Variants in CSNK1G1 observed in about 807,000 individuals in gnomAD.
CSNK1G1 encodes casein kinase I isoform gamma-1.
Under a neutral mutation model 59.6 loss-of-function variants are expected in CSNK1G1, and 22 were observed. That is an observed-to-expected ratio of 0.37 (90% CI 0.26 to 0.53). The LOEUF is 0.53. Ranked by LOEUF, CSNK1G1 falls within the 20% of genes least tolerant of loss-of-function variation. The pLI is 0.89. For missense variants in CSNK1G1, 384 were observed against 519.5 expected (o/e 0.74, Z 2.54); for synonymous variants, 179 against 177.1 (o/e 1.01, Z -0.08).
At chr15:64,199,561 T>G (rs2082081586) in intron 10 of CSNK1G1, among the ~76,000 whole-genome samples, 1 of 152,074 alleles carries the variant, frequency 6.6e-6, no homozygotes, top group African/African-American at 2.4e-5. Flanking sequence ...ACACATATTT[T>G]AAGATAGTCT....
chr15:64,222,431 CACCACCAAAAAAAA>C (rs1449817662), intron 4 of CSNK1G1, among the ~76,000 whole-genome samples: 4 of 66,720 alleles, frequency 6.0e-5, no homozygotes, highest in African/African-American at 3.1e-4. Context: ...ACAACAACAA[CACCACCAAAAAAAA>C]AAAAAAAAAA....
intron 1 of CSNK1G1, among the ~76,000 whole-genome samples, chr15:64,314,505 T>C (rs544232627): frequency 1.3e-5 from 2 of 151,444 alleles, no homozygotes; most frequent in South Asian, 4.2e-4. Context: ...ATTTGAAATT[T>C]ATTCTCTCAG....
In CSNK1G1 at chr15:64,214,136, A is replaced by T; in HGVS notation, c.445-12T>A. ...TCCATTCGAGAAAGCTGAAAGAGAAACAAATGATAGAAAGACTGTAAAGAA... is the reference window on the plus strand; with the variant it reads ...TCCATTCGAGAAAGCTGAAAGAGAATCAAATGATAGAAAGACTGTAAAGAA... On this transcript the variant is annotated splice_polypyrimidine_tract_variant and intron_variant, in intron 5 of 11. Coordinates refer to ENST00000303052, the MANE Select transcript of CSNK1G1 (RefSeq NM_022048.5). The surrounding 1 kb of genome is among the most constrained non-coding windows in gnomAD (Gnocchi z 4.3). 6.4e-7 allele frequency: 1 copy of T among 1,565,334 alleles called. No individual in the cohort carries two copies. Among genetic ancestry groups the T allele is most frequent in the Non-Finnish European group, 8.8e-7 (1 of 1,135,688 alleles).
intron 4 of CSNK1G1, among the ~76,000 whole-genome samples, chr15:64,234,758 C>A (rs528369021): frequency 6.6e-6 from 1 of 152,212 alleles, no homozygotes; most frequent in East Asian, 1.9e-4. Context: ...AGCTCTTAAA[C>A]CTCATTCTTA....
chr15:64,325,032 T>A (rs1390653766), intron 1 of CSNK1G1, among the ~76,000 whole-genome samples: 1 of 152,220 alleles, frequency 6.6e-6, no homozygotes, highest in East Asian at 1.9e-4. Flanking sequence ...GGGTAACTAT[T>A]GAACATGTAA....
chr15:64,353,221 CCT>C (rs1401072864), intron 1 of CSNK1G1, among the ~76,000 whole-genome samples: 1 of 152,116 alleles, frequency 6.6e-6, no homozygotes, highest in Non-Finnish European at 1.5e-5. Context: ...TGATTTTTGT[CCT>C]CTGAGTATAA....
chr15:64,222,388 GT>G (rs2082399470), intron 4 of CSNK1G1, among the ~76,000 whole-genome samples: 1 of 130,830 alleles, frequency 7.6e-6, no homozygotes, highest in Non-Finnish European at 1.6e-5. Flanking sequence ...CATGTATCCC[GT>G]TTTTTTTCTC....
intron 10 of CSNK1G1, among the ~76,000 whole-genome samples, chr15:64,189,057 T>C (rs912658032): frequency 6.6e-6 from 1 of 151,872 alleles, no homozygotes; most frequent in Non-Finnish European, 1.5e-5. Context: ...ACCCAGGAGG[T>C]GGAGGTTGCA....
chr15:64,353,368 C>T (rs1898423827), intron 1 of CSNK1G1, among the ~76,000 whole-genome samples: 1 of 151,724 alleles, frequency 6.6e-6, no homozygotes, highest in African/African-American at 2.4e-5. Context: ...AGACTTTGGC[C>T]GGGTACGGTG....
In CSNK1G1 at chr15:64,203,144, T is replaced by C. The variant is rs372653620; in HGVS notation, c.1045A>G (p.Ile349Val). ...CTATGTGTGTGGCTTTCTCGAGTTA[T>C]TGCAGATGCACCAGAATCTACGTGA... is the stretch of plus-strand genomic sequence containing the variant. ...SVHVDSGASA[I>V]TRESHTHRDR... Residue 349 changes from isoleucine (I) to valine (V), a missense_variant, in exon 10 of 12, where the codon ATA (isoleucine) becomes GTA (valine). This residue lies in a region of CSNK1G1 where 325 missense variants were observed against 440.9 expected (regional missense o/e 0.74). Transcript: ENST00000303052. The C allele has an allele frequency of 1.9e-4, 310 of 1,614,030 alleles. No individual in the cohort carries two copies. Among genetic ancestry groups the C allele is most frequent in the Non-Finnish European group, 2.6e-4 (301 of 1,179,986 alleles).
intron 4 of CSNK1G1, among the ~76,000 whole-genome samples, chr15:64,233,563 T>A (rs917731490): frequency 6.6e-6 from 1 of 152,228 alleles, no homozygotes; most frequent in Non-Finnish European, 1.5e-5. Context: ...CTCTTGCTTA[T>A]ATTTCATCAC....
intron 4 of CSNK1G1, among the ~76,000 whole-genome samples, chr15:64,231,966 G>A (rs978283586): frequency 6.6e-6 from 1 of 151,994 alleles, no homozygotes; most frequent in African/African-American, 2.4e-5. Flanking sequence ...TAATTCTTTG[G>A]CCCTCAAATT....
At chr15:64,183,533 T>C (rs1358749931) in intron 10 of CSNK1G1, among the ~76,000 whole-genome samples, 1 of 152,206 alleles carries the variant, frequency 6.6e-6, no homozygotes, top group Non-Finnish European at 1.5e-5. Context: ...AGTTGGATTC[T>C]AGGCCTTGTT....
chr15:64,238,869 C>T (rs969434638), intron 4 of CSNK1G1, among the ~76,000 whole-genome samples: 6 of 151,980 alleles, frequency 3.9e-5, no homozygotes, highest in East Asian at 1.9e-4. Context: ...CCTAGTCTCA[C>T]GGCTGCTTGT....
intron 1 of CSNK1G1, among the ~76,000 whole-genome samples, chr15:64,342,972 C>G (rs1030239548): frequency 6.6e-6 from 1 of 152,246 alleles, no homozygotes; most frequent in Admixed American, 6.5e-5. Flanking sequence ...GCTGCTGCTG[C>G]TGGTCAAGAA....
At chr15:64,191,832 G>A (rs1339746246) in intron 10 of CSNK1G1, among the ~76,000 whole-genome samples, 1 of 152,162 alleles carries the variant, frequency 6.6e-6, no homozygotes, top group Non-Finnish European at 1.5e-5. Flanking sequence ...TGTGAACCTA[G>A]GGGTTGCGGG....
chr15:64,225,006 C>CA (rs1555501290), intron 4 of CSNK1G1, among the ~76,000 whole-genome samples: 1 of 121,852 alleles, frequency 8.2e-6, no homozygotes, highest in Non-Finnish European at 1.7e-5. Flanking sequence ...ATACACTTTT[C>CA]TTTTTTTTTT....
At chr15:64,346,687 A>C (rs1897998956) in intron 1 of CSNK1G1, among the ~76,000 whole-genome samples, 1 of 151,906 alleles carries the variant, frequency 6.6e-6, no homozygotes, top group Non-Finnish European at 1.5e-5. Context: ...CGAACCCCTG[A>C]CCTCAGGTGA....
At chr15:64,177,150 T>A (rs1421956215) in intron 11 of CSNK1G1, among the ~76,000 whole-genome samples, 1 of 152,198 alleles carries the variant, frequency 6.6e-6, no homozygotes, top group Non-Finnish European at 1.5e-5. Flanking sequence ...TTTCCACCTT[T>A]ACACTAAACA....
Sources: allele counts gnomAD v4.1 joint callset (sites outside exome capture counted in the v4.1 genomes callset), GRCh38; gene constraint gnomAD v4.1.1; regional missense constraint gnomAD v4.1.1; non-coding constraint Gnocchi (gnomAD v3.1); transcripts MANE v1.5; gene names NCBI Gene and HGNC (gene_info 2026-07-23, HGNC 2026-07-21).